Variants in AKAP10 observed in about 807,000 individuals in gnomAD.
The protein encoded by AKAP10 is A-kinase anchoring protein 10, also known as A-kinase anchor protein 10, mitochondrial.
Under a neutral mutation model 80.8 loss-of-function variants are expected in AKAP10, and 24 were observed. The ratio of observed to expected loss-of-function variants is 0.30; its 90% CI spans 0.22 to 0.42. The LOEUF is 0.42. AKAP10 is among the 10% of genes least tolerant of loss of function. The probability of loss-of-function intolerance (pLI) is 1.00; values close to 1 mark genes in which losing one functional copy is unlikely to be tolerated. For synonymous variants in AKAP10, 291 were observed against 277.7 expected, an observed-to-expected ratio of 1.05 and a Z score of -0.48; for missense variants, 661 against 794.9, an observed-to-expected ratio of 0.83 and a Z score of 2.03.
In AKAP10 at chr17:19,962,295, T is replaced by C. The variant is rs374971732; in HGVS notation, c.319+545A>G. ...ACATACATACATACATACATACATA[T>C]ACACACACACACACACACACACACA... On this transcript the variant is annotated intron_variant, in intron 3 of 14. Transcript: ENST00000225737. 8.3e-3 allele frequency among the ~76,000 whole-genome samples: 1,036 copies of C among 125,134 alleles called. 7 individuals are homozygous for C. The highest frequency in any genetic ancestry group is 0.079 in the East Asian group (341 of 4,310). 82.1% of individuals were successfully genotyped at this position (125,134 alleles called of 152,430 possible).
chr17:19,944,521 G>A (rs925686033), intron 5 of AKAP10, among the ~76,000 whole-genome samples: 4 of 152,136 alleles, frequency 2.6e-5, no homozygotes, highest in African/African-American at 9.7e-5. Flanking sequence ...CAGGCGTGGT[G>A]GCGAGCGCCT....
intron 12 of AKAP10, among the ~76,000 whole-genome samples, chr17:19,916,889 A>C (rs1352201423): frequency 1.3e-5 from 2 of 151,472 alleles, no homozygotes; most frequent in Non-Finnish European, 2.9e-5. Flanking sequence ...GTGAGCCGAC[A>C]TCGTGCCACT....
chr17:19,932,741 A>G (rs1241053885), intron 9 of AKAP10, among the ~76,000 whole-genome samples: 1 of 152,104 alleles, frequency 6.6e-6, no homozygotes, highest in African/African-American at 2.4e-5. Flanking sequence ...TCTTCAAAAG[A>G]ACATTATCAA....
At chr17:19,910,420 T>G (rs2042677769) in intron 12 of AKAP10, among the ~76,000 whole-genome samples, 1 of 152,064 alleles carries the variant, frequency 6.6e-6, no homozygotes, top group Admixed American at 6.6e-5. Context: ...TTTTGTGTGA[T>G]ACCCCAAAAC....
At chr17:19,970,042 TG>T (rs2043474709) in intron 1 of AKAP10, among the ~76,000 whole-genome samples, 1 of 152,200 alleles carries the variant, frequency 6.6e-6, no homozygotes, top group Admixed American at 6.5e-5. Context: ...ATAGATACGC[TG>T]TTACTCCTAA....
intron 14 of AKAP10, among the ~76,000 whole-genome samples, chr17:19,908,708 C>T (rs1427641081): frequency 1.3e-5 from 2 of 151,084 alleles, no homozygotes; most frequent in East Asian, 1.9e-4. Context: ...GGTGTGATCT[C>T]GGCTCACTGC....
chr17:19,970,594 G>C lies in AKAP10; in HGVS notation c.89-2133C>G, dbSNP rs1224798381. Among the ~76,000 whole-genome samples the C allele has an allele frequency of 5.3e-5, 8 of 152,234 alleles. No homozygotes were observed. In the East Asian group the frequency reaches 1.5e-3, roughly 29 times the overall value. ...TCCCAGGACTTTGGGAGGCCAAGGC[G>C]GGTGGCTCACTTAAGGTCAGGAGTT... On this transcript the variant is annotated intron_variant, in intron 1 of 14. Transcript: ENST00000225737.
chr17:19,951,457 G>A (rs1309877077), intron 4 of AKAP10, among the ~76,000 whole-genome samples: 3 of 152,252 alleles, frequency 2.0e-5, no homozygotes, highest in African/African-American at 4.8e-5. Flanking sequence ...AATAGAAAAG[G>A]GGGAAATGTG....
rs371305383 is a variant in AKAP10 at position 19,976,328 on chromosome 17, C to G, written c.88+1264G>C. Among the ~76,000 whole-genome samples, 8 of 151,842 alleles carry G rather than the reference C, an allele frequency of 5.3e-5. No individual in the cohort carries two copies. In the South Asian group the frequency reaches 1.0e-3, roughly 20 times the overall value. ...TGAAGCCCCGTTTCTACTAAAAATA[C>G]AAAAATTAGCCGGGCATGGTGGGGC... On this transcript the variant is annotated intron_variant, in intron 1 of 14. Transcript: ENST00000225737.
chr17:19,958,015 T>C lies in AKAP10; in HGVS notation c.876A>G (p.Lys292=). The change falls in exon 4 of 15, where the codon AAA becomes AAG. Residue 292 remains lysine, a splice_region_variant and synonymous_variant. Coordinates refer to ENST00000225737, the MANE Select transcript of AKAP10 (RefSeq NM_007202.4). ...CACACAAGAAAATCACATACTCACTTTTCATTAGTTTTCCTGACAATTCTT... is the reference window on the plus strand; with the variant it reads ...CACACAAGAAAATCACATACTCACTCTTCATTAGTTTTCCTGACAATTCTT... The part of the protein sequence containing the change: ...PLKELSGKLM[K]SIEQDAVNTF... 6.2e-7 allele frequency: 1 copy of C among 1,607,328 alleles called. No individual in the cohort carries two copies. Among genetic ancestry groups the C allele is most frequent in the East Asian group, 2.2e-5 (1 of 44,796 alleles).
At chr17:19,946,710 T>G (rs545280581) in intron 5 of AKAP10, among the ~76,000 whole-genome samples, 1 of 143,932 alleles carries the variant, frequency 6.9e-6, no homozygotes, top group South Asian at 2.2e-4. Context: ...TTCAGAAGAA[T>G]AAAGTTACGT....
At chr17:19,941,940 G>T in intron 5 of AKAP10, 30 bp from the exon 6 acceptor site, 1 of 1,598,624 alleles carries the variant, frequency 6.3e-7, no homozygotes, top group Non-Finnish European at 8.5e-7. Flanking sequence ...TAATTAAATT[G>T]CCACTAAATT....
At chr17:19,947,140 G>A (rs903288322) in intron 5 of AKAP10, 19 of 413,708 alleles carry the variant, frequency 4.6e-5, no homozygotes, top group African/African-American at 3.5e-4. Context: ...GTAGCCGCCC[G>A]CCGGCCCGGC....
Position 19,977,781 on chromosome 17 carries a change from C to A in AKAP10, c.-102G>T, listed in dbSNP as rs1406612485. On this transcript the variant is annotated 5_prime_UTR_variant, in exon 1 of 15. Transcript: ENST00000225737. The stretch of plus-strand genomic sequence containing the variant: ...GGCCCCACCGCCTCCTCGGGATGCC[C>A]AGGCAGCTCCAGCCGCCATATTATC... 2 of 639,664 alleles carry A rather than the reference C, an allele frequency of 3.1e-6. No homozygotes were observed. Among genetic ancestry groups the A allele is most frequent in the Non-Finnish European group, 4.5e-6 (2 of 445,572 alleles). 39.6% of individuals were successfully genotyped at this position (639,664 alleles called of 1,614,324 possible). A position where few individuals can be genotyped will look rare whatever the true frequency, so the allele number is the denominator to read the frequency against.
intron 14 of AKAP10, among the ~76,000 whole-genome samples, chr17:19,907,029 T>C (rs2042638709): frequency 6.6e-6 from 1 of 152,058 alleles, no homozygotes. Context: ...TTTTTGTTTT[T>C]TTTTTGAGAC....
chr17:19,913,850 T>C (rs111368795), intron 12 of AKAP10, among the ~76,000 whole-genome samples: 139 of 152,248 alleles, frequency 9.1e-4, no homozygotes, highest in Non-Finnish European at 1.2e-3. Flanking sequence ...CAAATGAAAT[T>C]CTTAAGTATT....
At chr17:19,937,596 G>C (rs1003295064) in intron 8 of AKAP10, among the ~76,000 whole-genome samples, 1 of 152,118 alleles carries the variant, frequency 6.6e-6, no homozygotes, top group African/African-American at 2.4e-5. Context: ...TGAGTAAGTT[G>C]GTCAATACTC....
At chr17:19,968,672 C>G (rs2043455200) in intron 1 of AKAP10, among the ~76,000 whole-genome samples, 1 of 152,190 alleles carries the variant, frequency 6.6e-6, no homozygotes, top group Non-Finnish European at 1.5e-5. Context: ...AGAGTTGAAC[C>G]TGCTTATGGA....
intron 5 of AKAP10, among the ~76,000 whole-genome samples, chr17:19,942,583 T>C (rs1394189313): frequency 6.6e-6 from 1 of 152,138 alleles, no homozygotes; most frequent in Non-Finnish European, 1.5e-5. Context: ...ACTTAAAAAA[T>C]TATGGATTTG....
Sources: gnomAD v4.1 joint callset for allele counts (sites outside exome capture counted in the v4.1 genomes callset) on GRCh38, gnomAD v4.1.1 for gene constraint, MANE v1.5 for transcripts, NCBI Gene and HGNC (gene_info 2026-07-23, HGNC 2026-07-21) for gene names.